The following NDST4 variants were observed in gnomAD, a reference collection of about 807,000 sequenced individuals.
NDST4 encodes the protein N-deacetylase and N-sulfotransferase 4.
NDST4 carries 63 observed loss-of-function variants against 100.8 expected under a neutral mutation model. That is an observed-to-expected ratio of 0.62 (90% CI 0.51 to 0.77). The LOEUF is 0.77. Among genes scored for constraint, NDST4 ranks in the 30% least tolerant of loss-of-function variants. The probability of loss-of-function intolerance (pLI) is 0.00; values close to 1 mark genes in which losing one functional copy is unlikely to be tolerated. For synonymous variants in NDST4, 377 were observed against 361.8 expected (o/e 1.04, Z -0.48); for missense variants, 943 against 1,018.4 (o/e 0.93, Z 1.01).
chr4:115,011,376 C>T (rs964255114), intron 2 of NDST4, among the ~76,000 whole-genome samples: 1 of 151,862 alleles, frequency 6.6e-6, no homozygotes, highest in Non-Finnish European at 1.5e-5. Flanking sequence ...TCCATTCAAG[C>T]GTATTTCTTA....
chr4:115,037,682 C>G (rs1035554344), intron 2 of NDST4, among the ~76,000 whole-genome samples: 13 of 151,950 alleles, frequency 8.6e-5, no homozygotes, highest in Non-Finnish European at 1.6e-4. Context: ...AAATTAATGA[C>G]TAAATAGTTG....
At chr4:114,966,465 C>T (rs966367736) in intron 4 of NDST4, among the ~76,000 whole-genome samples, 1 of 152,012 alleles carries the variant, frequency 6.6e-6, no homozygotes, top group Non-Finnish European at 1.5e-5. Context: ...TGAAACTACT[C>T]AGATAGATTG....
At chr4:115,073,021 A>G (rs1179647639) in intron 2 of NDST4, among the ~76,000 whole-genome samples, 1 of 152,026 alleles carries the variant, frequency 6.6e-6, no homozygotes, top group Non-Finnish European at 1.5e-5. Flanking sequence ...AAAGGCCTGA[A>G]TAAACATTTC....
intron 2 of NDST4, among the ~76,000 whole-genome samples, chr4:115,026,228 A>G (rs1271200397): frequency 6.6e-6 from 1 of 152,080 alleles, no homozygotes; most frequent in Non-Finnish European, 1.5e-5. Context: ...GGGTCAGTAA[A>G]AAGCTCTCAA....
chr4:115,094,023 CCT>C (rs1305877593), intron 1 of NDST4, among the ~76,000 whole-genome samples: 4 of 151,828 alleles, frequency 2.6e-5, no homozygotes, highest in Non-Finnish European at 5.9e-5. Flanking sequence ...ATTTGACAAA[CCT>C]CTGCTGACAT....
At chr4:114,943,716 C>T (rs191820249) in intron 4 of NDST4, among the ~76,000 whole-genome samples, 4 of 152,162 alleles carry the variant, frequency 2.6e-5, no homozygotes, top group African/African-American at 4.8e-5. Context: ...GACTGGTTGG[C>T]TGGATTTGAA....
At chr4:115,106,166 TA>T (rs1231001749) in intron 1 of NDST4, among the ~76,000 whole-genome samples, 1 of 152,068 alleles carries the variant, frequency 6.6e-6, no homozygotes, top group Non-Finnish European at 1.5e-5. Flanking sequence ...AGGAAGGTCA[TA>T]GAAGACTGCT....
intron 1 of NDST4, among the ~76,000 whole-genome samples, chr4:115,083,745 G>A (rs750902301): frequency 3.3e-5 from 5 of 152,036 alleles, no homozygotes; most frequent in Non-Finnish European, 7.4e-5. Flanking sequence ...CTTTTATAAG[G>A]AGCTTCCCCC....
At chr4:114,920,891 G>A (rs935595287) in intron 6 of NDST4, among the ~76,000 whole-genome samples, 3 of 152,090 alleles carry the variant, frequency 2.0e-5, no homozygotes, top group Admixed American at 1.3e-4. Context: ...GATTTGTGGG[G>A]TTGAATTTCT....
intron 1 of NDST4, among the ~76,000 whole-genome samples, chr4:115,089,895 T>G (rs936057655): frequency 6.6e-6 from 1 of 151,894 alleles, no homozygotes; most frequent in African/African-American, 2.4e-5. Context: ...TATGTAGGTC[T>G]GGAGAAATCT....
chr4:115,038,832 C>G (rs542401352), intron 2 of NDST4, among the ~76,000 whole-genome samples: 21 of 152,128 alleles, frequency 1.4e-4, no homozygotes, highest in African/African-American at 5.1e-4. Flanking sequence ...AAAAATTAAT[C>G]AAGTGTGATG....
intron 8 of NDST4, among the ~76,000 whole-genome samples, chr4:114,851,984 A>G (rs182662665): frequency 6.6e-6 from 1 of 152,290 alleles, no homozygotes; most frequent in Non-Finnish European, 1.5e-5. Flanking sequence ...TTCTAGTCAA[A>G]GTAGTGAATT....
At chr4:114,867,646 T>TAAAAAAAAAAAAAAAAGAAAAA (rs1724055656) in intron 7 of NDST4, among the ~76,000 whole-genome samples, 1 of 26,776 alleles carries the variant, frequency 3.7e-5, no homozygotes, top group African/African-American at 8.4e-5. Context: ...ATGAGAATTA[T>TAAAAAAAAAAAAAAAAGAAAAA]AAAAAAAAAA....
chr4:115,046,734 A>T (rs1362690400), intron 2 of NDST4, among the ~76,000 whole-genome samples: 2 of 152,128 alleles, frequency 1.3e-5, no homozygotes, highest in Admixed American at 1.3e-4. Context: ...ATACTGGAAA[A>T]TTGTTTATTC....
At chr4:115,040,560 C>T (rs921483927) in intron 2 of NDST4, among the ~76,000 whole-genome samples, 1 of 151,472 alleles carries the variant, frequency 6.6e-6, no homozygotes, top group Admixed American at 6.6e-5. Context: ...ACTGTGTCTT[C>T]CTGTTTTTGT....
intron 6 of NDST4, among the ~76,000 whole-genome samples, chr4:114,891,809 G>T (rs2126206467): frequency 6.6e-6 from 1 of 152,134 alleles, no homozygotes; most frequent in South Asian, 2.1e-4. Flanking sequence ...GGCCCTTCAT[G>T]GTCTAACCTT....
chr4:114,898,404 A>C (rs1024864418), intron 6 of NDST4, among the ~76,000 whole-genome samples: 3 of 152,026 alleles, frequency 2.0e-5, no homozygotes, highest in African/African-American at 7.2e-5. Flanking sequence ...ACTATCTTCC[A>C]TTGATCTATT....
At chr4:114,951,180 T>C (rs977559927) in intron 4 of NDST4, among the ~76,000 whole-genome samples, 1 of 152,092 alleles carries the variant, frequency 6.6e-6, no homozygotes. Context: ...ATTTCAAAGA[T>C]TCACGTGTTC....
chr4:114,930,227 T>C (rs1725484815), intron 6 of NDST4, among the ~76,000 whole-genome samples: 1 of 152,192 alleles, frequency 6.6e-6, no homozygotes, highest in Non-Finnish European at 1.5e-5. Context: ...ATAGCTTTGG[T>C]TGGAATACCT....
Sources: allele counts gnomAD v4.1 joint callset (sites outside exome capture counted in the v4.1 genomes callset), GRCh38; gene constraint gnomAD v4.1.1; transcripts MANE v1.5; gene names NCBI Gene and HGNC (gene_info 2026-07-23, HGNC 2026-07-21).